Variants in PAX3 observed in about 807,000 individuals in gnomAD.
PAX3 encodes paired box protein Pax-3.
In PAX3, 14 loss-of-function variants were observed where a neutral mutation model predicts 51.6. The ratio of observed to expected loss-of-function variants is 0.27; its 90% CI spans 0.18 to 0.42. The LOEUF is 0.42. PAX3 is among the 10% of genes least tolerant of loss of function. The pLI, the probability that PAX3 is intolerant of heterozygous loss-of-function variation, is 1.00. For synonymous variants in PAX3, 280 were observed against 253.4 expected (o/e 1.11, Z -1.00); for missense variants, 540 against 642.8 (o/e 0.84, Z 1.73).
At chr2:222,248,299 T>C (rs146432154) in intron 4 of PAX3, among the ~76,000 whole-genome samples, 1 of 152,218 alleles carries the variant, frequency 6.6e-6, no homozygotes, top group East Asian at 1.9e-4. Flanking sequence ...CAGAATTTCA[T>C]GTGCTTGCCA....
At chr2:222,297,321 C>T (rs923920574) in intron 1 of PAX3, 108 bp from the exon 2 acceptor site, 27 of 829,294 alleles carry the variant, frequency 3.3e-5, no homozygotes, top group Admixed American at 2.0e-4. Flanking sequence ...CCTCATGTTA[C>T]AGCACCGACG....
intron 4 of PAX3, among the ~76,000 whole-genome samples, chr2:222,287,027 C>T (rs1424482490): frequency 6.6e-6 from 1 of 152,184 alleles, no homozygotes; most frequent in East Asian, 1.9e-4. Flanking sequence ...GGAGCATGAT[C>T]TCAGCTTAGA....
chr2:222,258,308 G>T (rs530611990), intron 4 of PAX3, among the ~76,000 whole-genome samples: 1 of 152,108 alleles, frequency 6.6e-6, no homozygotes, highest in Non-Finnish European at 1.5e-5. Flanking sequence ...TTTCTGTGAG[G>T]ATCAAGTTAG....
At chr2:222,295,893 G>A (rs1182386250) in intron 2 of PAX3, among the ~76,000 whole-genome samples, 1 of 152,224 alleles carries the variant, frequency 6.6e-6, no homozygotes, top group African/African-American at 2.4e-5. Flanking sequence ...ACAAGCCCCA[G>A]ACAACCGGGA....
At chr2:222,201,731 C>A (rs1285343084) in intron 8 of PAX3, 42 of 1,459,186 alleles carry the variant, frequency 2.9e-5, no homozygotes, top group Non-Finnish European at 3.4e-5. Flanking sequence ...CACGTCTCAA[C>A]AATTAATAAC....
At chr2:222,259,925 C>G (rs993294386) in intron 4 of PAX3, among the ~76,000 whole-genome samples, 1 of 152,186 alleles carries the variant, frequency 6.6e-6, no homozygotes, top group Non-Finnish European at 1.5e-5. Flanking sequence ...CTCTGTCACC[C>G]AGGCTGGAGT....
At chr2:222,213,332 T>C (rs980046903) in intron 7 of PAX3, among the ~76,000 whole-genome samples, 1 of 152,142 alleles carries the variant, frequency 6.6e-6, no homozygotes, top group African/African-American at 2.4e-5. Flanking sequence ...CCAGGTCAAT[T>C]ACAGCCTGCT....
chr2:222,269,473 C>T (rs997362683), intron 4 of PAX3, among the ~76,000 whole-genome samples: 1 of 152,172 alleles, frequency 6.6e-6, no homozygotes, highest in Non-Finnish European at 1.5e-5. Flanking sequence ...TATGCCTGAA[C>T]GGTCACCATG....
intron 4 of PAX3, among the ~76,000 whole-genome samples, chr2:222,288,001 A>C (rs1366923640): frequency 2.0e-5 from 3 of 152,222 alleles, no homozygotes; most frequent in Non-Finnish European, 4.4e-5. Context: ...TGAATTTTAC[A>C]ACCTCAGTTA....
At chr2:222,218,654 A>T (rs933219554) in intron 7 of PAX3, among the ~76,000 whole-genome samples, 4 of 152,216 alleles carry the variant, frequency 2.6e-5, no homozygotes, top group Non-Finnish European at 5.9e-5. Flanking sequence ...TATTTTAAGG[A>T]TGACTCTATC....
intron 4 of PAX3, among the ~76,000 whole-genome samples, chr2:222,272,252 A>G (rs1450027875): frequency 6.6e-6 from 1 of 152,218 alleles, no homozygotes; most frequent in Non-Finnish European, 1.5e-5. Context: ...CAAAAGTTGC[A>G]TTAGCTTTAG....
chr2:222,239,152 T>C (rs570457481), intron 4 of PAX3, among the ~76,000 whole-genome samples: 4 of 152,324 alleles, frequency 2.6e-5, no homozygotes, highest in African/African-American at 9.6e-5. Context: ...TTTGGAGGCT[T>C]TTGTTGGATC....
chr2:222,231,567 G>A (rs45618542), intron 5 of PAX3, among the ~76,000 whole-genome samples: 5 of 152,152 alleles, frequency 3.3e-5, no homozygotes, highest in African/African-American at 1.2e-4. Context: ...TTTCATAATT[G>A]AAAGGTCACA....
intron 4 of PAX3, among the ~76,000 whole-genome samples, chr2:222,243,244 G>A (rs1271032339): frequency 6.6e-6 from 1 of 152,192 alleles, no homozygotes; most frequent in Non-Finnish European, 1.5e-5. Context: ...CAAATGAGTA[G>A]AGAATTGAAA....
chr2:222,230,854 C>A (rs1259759461), intron 5 of PAX3, among the ~76,000 whole-genome samples: 405 of 108,480 alleles, frequency 3.7e-3, no homozygotes, highest in South Asian at 5.2e-3. Flanking sequence ...GACTCCACCT[C>A]AAAAAAAAAA....
At chr2:222,294,652 G>A (rs961711018) in intron 3 of PAX3, among the ~76,000 whole-genome samples, 1 of 151,230 alleles carries the variant, frequency 6.6e-6, no homozygotes, top group Non-Finnish European at 1.5e-5. Flanking sequence ...TGCAATCTAA[G>A]AGAATTCTCC....
intron 5 of PAX3, among the ~76,000 whole-genome samples, chr2:222,222,922 T>G (rs1692252999): frequency 6.6e-6 from 1 of 152,188 alleles, no homozygotes. Flanking sequence ...AAAATTTGAT[T>G]CTAATTTCGA....
chr2:222,209,972 CA>C (rs1436175785), intron 7 of PAX3, among the ~76,000 whole-genome samples: 3 of 152,092 alleles, frequency 2.0e-5, no homozygotes, highest in Non-Finnish European at 1.5e-5. Context: ...CACAGTCTCC[CA>C]AAAGCTAGAA....
intron 4 of PAX3, among the ~76,000 whole-genome samples, chr2:222,234,232 CAAAAG>C (rs1364119315): frequency 1.3e-5 from 2 of 151,838 alleles, no homozygotes; most frequent in Non-Finnish European, 2.9e-5. Flanking sequence ...GTGCATAAAA[CAAAAG>C]AGAAGTATTA....
Sources: allele counts gnomAD v4.1 joint callset (sites outside exome capture counted in the v4.1 genomes callset), GRCh38; gene constraint gnomAD v4.1.1; transcripts MANE v1.5; gene names NCBI Gene and HGNC (gene_info 2026-07-23, HGNC 2026-07-21).